SYT1: variants seen among roughly 807,000 people sequenced by gnomAD.
SYT1 encodes the protein synaptotagmin 1.
A neutral mutation model predicts 44.8 loss-of-function variants in SYT1; 8 were observed. That is an observed-to-expected ratio of 0.18 (90% CI 0.10 to 0.32). SYT1 has a LOEUF of 0.32. SYT1 is among the 10% of genes least tolerant of loss of function. The pLI is 1.00. For missense variants in SYT1, 286 were observed against 509.3 expected (o/e 0.56, Z 4.22); for synonymous variants, 154 against 188.8 (o/e 0.82, Z 1.51).
intron 1 of SYT1, among the ~76,000 whole-genome samples, chr12:78,901,112 A>G (rs1208268674): frequency 6.6e-6 from 1 of 152,018 alleles, no homozygotes; most frequent in Non-Finnish European, 1.5e-5. Context: ...ATATTAATCC[A>G]TTGCTTCTCT....
chr12:78,986,840 T>C (rs1396059624), intron 2 of SYT1, among the ~76,000 whole-genome samples: 1 of 152,024 alleles, frequency 6.6e-6, no homozygotes, highest in Admixed American at 6.6e-5. Context: ...TACATATCTT[T>C]CTTCTTTCCA....
chr12:79,207,774 C>T (rs1007817636), intron 3 of SYT1, among the ~76,000 whole-genome samples: 2 of 152,140 alleles, frequency 1.3e-5, no homozygotes, highest in Non-Finnish European at 2.9e-5. Flanking sequence ...TAGCTAAATT[C>T]TTAATATAAC....
chr12:79,236,291 A>C (rs1022729202), intron 4 of SYT1, among the ~76,000 whole-genome samples: 2 of 152,078 alleles, frequency 1.3e-5, no homozygotes, highest in Non-Finnish European at 2.9e-5. Context: ...TTGGCATTCA[A>C]ACCTCTCTAT....
intron 9 of SYT1, among the ~76,000 whole-genome samples, chr12:79,402,422 G>A (rs897514343): frequency 1.3e-5 from 2 of 152,140 alleles, no homozygotes; most frequent in African/African-American, 4.8e-5. Flanking sequence ...AGTTATCTAG[G>A]ATTGATCAAT....
At chr12:79,009,942 C>T (rs1385144517) in intron 2 of SYT1, among the ~76,000 whole-genome samples, 1 of 152,144 alleles carries the variant, frequency 6.6e-6, no homozygotes, top group East Asian at 1.9e-4. Context: ...TGTTCTCTCT[C>T]CCAGATTCAC....
chr12:79,382,991 G>T (rs1027837814), intron 9 of SYT1, among the ~76,000 whole-genome samples: 3 of 152,180 alleles, frequency 2.0e-5, no homozygotes, highest in Admixed American at 6.5e-5. Context: ...ATGCTCGAAG[G>T]AAGTTTATCC....
intron 1 of SYT1, among the ~76,000 whole-genome samples, chr12:78,912,806 G>T (rs973108909): frequency 6.6e-6 from 1 of 151,888 alleles, no homozygotes; most frequent in African/African-American, 2.4e-5. Context: ...ACTTGGGGTT[G>T]CCCTGTAACT....
intron 8 of SYT1, among the ~76,000 whole-genome samples, chr12:79,324,850 C>A (rs1881538881): frequency 6.6e-6 from 1 of 152,042 alleles, no homozygotes; most frequent in African/African-American, 2.4e-5. Flanking sequence ...AAGACTTATA[C>A]CCTGGAATAA....
At chr12:79,012,026 G>A (rs902299952) in intron 2 of SYT1, among the ~76,000 whole-genome samples, 1 of 151,734 alleles carries the variant, frequency 6.6e-6, no homozygotes, top group Non-Finnish European at 1.5e-5. Context: ...CAGCTACTCG[G>A]GAGGCTGAGG....
At chr12:79,353,686 C>A in intron 9 of SYT1, 67 bp downstream of exon 9, 1 of 1,150,234 alleles carries the variant, frequency 8.7e-7, no homozygotes, top group Non-Finnish European at 1.3e-6. Flanking sequence ...ATGCATGGCG[C>A]ACATGCTGCG....
At chr12:79,328,804 C>T (rs1263185924) in intron 8 of SYT1, among the ~76,000 whole-genome samples, 1 of 151,126 alleles carries the variant, frequency 6.6e-6, no homozygotes, top group Non-Finnish European at 1.5e-5. Context: ...CAAGATCACG[C>T]CATAGCACTC....
At chr12:78,977,557 C>G (rs1868937678) in intron 1 of SYT1, 2 of 152,164 alleles carry the variant, frequency 1.3e-5, no homozygotes, top group Admixed American at 1.3e-4. Context: ...AAAAGTTGCT[C>G]TTTTGAAATG....
chr12:79,303,506 C>T (rs552683398), intron 8 of SYT1, among the ~76,000 whole-genome samples: 7 of 151,976 alleles, frequency 4.6e-5, no homozygotes, highest in African/African-American at 1.7e-4. Flanking sequence ...TCTATCACCT[C>T]GGCTTTGTGT....
chr12:79,243,769 A>G (rs1876654333), intron 4 of SYT1, among the ~76,000 whole-genome samples: 1 of 152,106 alleles, frequency 6.6e-6, no homozygotes, highest in Admixed American at 6.5e-5. Flanking sequence ...AAAAAAAGGT[A>G]ACATTACAAA....
chr12:79,392,685 T>C (rs1884705289), intron 9 of SYT1: 2 of 152,096 alleles, frequency 1.3e-5, no homozygotes, highest in South Asian at 4.1e-4. Context: ...TTAATGAAGA[T>C]TAATCTGGTC....
intron 1 of SYT1, among the ~76,000 whole-genome samples, chr12:78,921,011 G>T (rs1481221141): frequency 6.6e-6 from 1 of 151,770 alleles, no homozygotes; most frequent in Non-Finnish European, 1.5e-5. Context: ...TCAGTTTTTT[G>T]AAGGTGAGGC....
intron 3 of SYT1, among the ~76,000 whole-genome samples, chr12:79,205,372 T>A (rs182689482): frequency 6.6e-6 from 1 of 152,300 alleles, no homozygotes; most frequent in Admixed American, 6.5e-5. Flanking sequence ...CCTACTAAAA[T>A]CTTGGGAGGC....
At chr12:79,362,570 A>G (rs2136027620) in intron 9 of SYT1, among the ~76,000 whole-genome samples, 2 of 152,304 alleles carry the variant, frequency 1.3e-5, no homozygotes, top group Middle Eastern at 3.4e-3. Flanking sequence ...AGACAGTGGT[A>G]TTAGATGACT....
chr12:79,245,888 T>C (rs1876823019), intron 4 of SYT1, among the ~76,000 whole-genome samples: 1 of 152,088 alleles, frequency 6.6e-6, no homozygotes, highest in Admixed American at 6.5e-5. Context: ...CACTTTTTTT[T>C]TTTCAGGAAA....
Sources: gnomAD v4.1 joint callset for allele counts (sites outside exome capture counted in the v4.1 genomes callset) on GRCh38, gnomAD v4.1.1 for gene constraint, MANE v1.5 for transcripts, NCBI Gene and HGNC (gene_info 2026-07-23, HGNC 2026-07-21) for gene names.